MAMDC4: variants seen among roughly 807,000 people sequenced by gnomAD.
MAMDC4 encodes the protein MAM domain containing 4.
MAMDC4 carries 168 observed loss-of-function variants against 153.3 expected under a neutral mutation model. That is an observed-to-expected ratio of 1.10 (90% CI 0.97 to 1.25). The LOEUF is 1.25. MAMDC4 is among the 50% of genes most tolerant of loss of function. MAMDC4 has a pLI of 0.00. For synonymous variants in MAMDC4, 744 were observed against 651.5 expected, an observed-to-expected ratio of 1.14 and a Z score of -2.16; for missense variants, 1,701 against 1,542.8, an observed-to-expected ratio of 1.10 and a Z score of -1.72.
At chr9:136,857,892 G>T in intron 19 of MAMDC4, 87 bp from the exon 20 acceptor site, 1 of 1,490,532 alleles carries the variant, frequency 6.7e-7, no homozygotes. Flanking sequence ...AGCCTCTTGC[G>T]CCCGCCAGGC....
chr9:136,855,294 G>A lies in MAMDC4; in HGVS notation c.1238G>A (p.Gly413Asp), dbSNP rs745552515. Residue 413 changes from glycine (G) to aspartate (D), a missense_variant, in exon 11 of 27, where the codon GGT becomes GAT. By Grantham distance (94) the Gly-to-Asp change is moderately conservative. Coordinates refer to ENST00000317446, the MANE Select transcript of MAMDC4 (RefSeq NM_206920.3). ...CAGACAGGCCCGGGGGGCGTCGTGGGTCTGGACGACCTCATCCTGTCTGAC... is the reference window on the plus strand; with the variant it reads ...CAGACAGGCCCGGGGGGCGTCGTGGATCTGGACGACCTCATCCTGTCTGAC... ...AGQTGPGGVV[G>D]LDDLILSDHC... is the part of the protein sequence containing the mutation. 23 of 1,606,250 alleles carry A rather than the reference G, an allele frequency of 1.4e-5. No individual in the cohort carries two copies. The highest frequency in any genetic ancestry group is 2.0e-5 in the Non-Finnish European group (23 of 1,176,482).
chr9:136,859,436 G>A, intron 25 of MAMDC4, 119 bp downstream of exon 25: 1 of 905,178 alleles, frequency 1.1e-6, no homozygotes, highest in Admixed American at 2.8e-5. Context: ...CACCCAGACA[G>A]GACAAGAGAG....
chr9:136,860,150 C>T (rs540547959), intron 26 of MAMDC4, 86 bp downstream of exon 26: 88 of 1,402,732 alleles, frequency 6.3e-5, no homozygotes, highest in Middle Eastern at 5.1e-4. Flanking sequence ...CACAACCCCC[C>T]GGGGAGGAGC....
At chr9:136,856,521 G>A in intron 14 of MAMDC4, 189 bp from the exon 15 acceptor site, 1 of 792,334 alleles carries the variant, frequency 1.3e-6, no homozygotes, top group African/African-American at 1.7e-5. Context: ...AGCTGGGGTG[G>A]ACAACGTGAC....
chr9:136,860,704 G>A lies in MAMDC4; in HGVS notation c.*101G>A. The A allele has an allele frequency of 1.5e-6, 2 of 1,336,748 alleles. No individual in the cohort carries two copies. Among genetic ancestry groups the A allele is most frequent in the Non-Finnish European group, 2.1e-6 (2 of 939,844 alleles). 82.8% of individuals were successfully genotyped at this position (1,336,748 alleles called of 1,614,324 possible). Reference sequence around the variant, plus strand: ...TGCCCCGCCCAGGCTGGGACAGGCTGCAGGTCTCAGGATATGCTGAGGCCT... The same window carrying A: ...TGCCCCGCCCAGGCTGGGACAGGCTACAGGTCTCAGGATATGCTGAGGCCT... On this transcript the variant is annotated 3_prime_UTR_variant, in exon 27 of 27. Coordinates refer to ENST00000317446, the MANE Select transcript of MAMDC4 (RefSeq NM_206920.3).
In MAMDC4 at chr9:136,856,020, C is replaced by T. The variant is rs1312447394; in HGVS notation, c.1591C>T (p.His531Tyr). ...TGAGCACCATGCTCTTCCCCTAGGGCACTTCCTGTCTCTGCAGCGGGCCTG... is the reference window on the plus strand; with the variant it reads ...TGAGCACCATGCTCTTCCCCTAGGGTACTTCCTGTCTCTGCAGCGGGCCTG... ...SQGSSAAAAG[H>Y]FLSLQRAWGQ... is the part of the protein sequence containing the mutation. The change falls in exon 14 of 27, where the codon CAC becomes TAC. Residue 531 changes from histidine (H) to tyrosine (Y), a missense_variant and splice_region_variant. Transcript: ENST00000317446. 6.2e-7 allele frequency: 1 copy of T among 1,609,880 alleles called. No individual in the cohort carries two copies. The highest frequency in any genetic ancestry group is 1.3e-5 in the African/African-American group (1 of 74,886).
At chr9:136,858,314 T>C (rs1211873442) in intron 21 of MAMDC4, 38 bp downstream of exon 21, 2 of 1,600,464 alleles carry the variant, frequency 1.2e-6, no homozygotes, top group South Asian at 1.1e-5. Context: ...TGCTCTGGGG[T>C]GCCTGCCTAG....
intron 1 of MAMDC4, among the ~76,000 whole-genome samples, 145 bp from the exon 2 acceptor site, chr9:136,852,947 TTCTCTGTGGG>T (rs1357608184): frequency 1.3e-5 from 2 of 152,046 alleles, no homozygotes; most frequent in East Asian, 3.9e-4. Flanking sequence ...CGGGTGGGAG[TTCTCTGTGGG>T]TCCCAGCCCC....
Position 136,854,291 on chromosome 9 carries a change from G to GA in MAMDC4, c.753dup (p.Asp252ArgfsTer8). The GA allele has an allele frequency of 6.2e-7, 1 of 1,603,912 alleles. No homozygotes were observed. The highest frequency in any genetic ancestry group is 8.5e-7 in the Non-Finnish European group (1 of 1,175,860). Reference sequence around the variant, plus strand: ...GGAGCCCCAGCAGCTGTGCGACGGGGAAGACAACTGCGGGGACCTGTCTGA... The same window carrying GA: ...GGAGCCCCAGCAGCTGTGCGACGGGGAAAGACAACTGCGGGGACCTGTCTGA... On this transcript the variant is annotated frameshift_variant, in exon 7 of 27. Coordinates refer to ENST00000317446, the MANE Select transcript of MAMDC4 (RefSeq NM_206920.3). LOFTEE classifies it high-confidence loss of function.
rs768831950 is a variant in MAMDC4, at chr9:136,856,764, C to T, written c.1775C>T (p.Ser592Leu). 2.5e-6 allele frequency: 4 copies of T among 1,612,194 alleles called. No homozygotes were observed. The African/African-American group carries it at 5.3e-5, about 22-fold the overall frequency. The change falls in exon 15 of 27, where the codon TCA becomes TTA. Residue 592 changes from serine to leucine, a missense_variant. Ser to Leu is a moderately radical substitution (Grantham distance 145). Coordinates refer to ENST00000317446, the MANE Select transcript of MAMDC4 (RefSeq NM_206920.3). ...DTCSWYPGHLSDTHWRWVESR... is the reference protein window; with the variant it reads ...DTCSWYPGHLLDTHWRWVESR... The stretch of plus-strand genomic sequence containing the variant: ...TGCAGCTGGTACCCAGGCCACCTCT[C>T]AGACACACACTGGCGCTGGGTGGAG...
Position 136,853,584 on chromosome 9 carries a change from C to T in MAMDC4, c.368C>T (p.Ala123Val), listed in dbSNP as rs1848959320. The change falls in exon 4 of 27, where the codon GCA (alanine) becomes GTA (valine). Residue 123 changes from alanine (A) to valine (V), a missense_variant. Coordinates refer to ENST00000317446, the MANE Select transcript of MAMDC4 (RefSeq NM_206920.3). ...GTTGGAACCCACCGAGGGAAAGAGG[C>T]ATCCACCGCAGCCCTGCGCTCGCCA... ...MAVGTHRGKE[A>V]STAALRSPTL... The T allele has an allele frequency of 6.2e-7, 1 of 1,612,502 alleles. No homozygotes were observed. The highest frequency in any genetic ancestry group is 8.5e-7 in the Non-Finnish European group (1 of 1,179,944).
chr9:136,858,596 T>C (rs1192716024), intron 22 of MAMDC4, 50 bp downstream of exon 22: 1 of 1,571,678 alleles, frequency 6.4e-7, no homozygotes, highest in Non-Finnish European at 8.6e-7. Flanking sequence ...CCACCTGGCC[T>C]CCTGCTGCCC....
At position 136,858,427 on chromosome 9, in the gene MAMDC4, G is replaced by A; in HGVS notation, c.2702G>A (p.Cys901Tyr). The change falls in exon 22 of 27, where the codon TGT becomes TAT. Residue 901 changes from cysteine to tyrosine, a missense_variant. Coordinates refer to ENST00000317446, the MANE Select transcript of MAMDC4 (RefSeq NM_206920.3). ...TCCTGTGATTTTGAGTCTGGCCTGT[G>A]TGGCTGGAGCCACCTGGCCTGGCCC... The part of the protein sequence containing the change: ...PGSCDFESGL[C>Y]GWSHLAWPGL... 6.2e-7 allele frequency: 1 copy of A among 1,605,032 alleles called. No homozygotes were observed. The highest frequency in any genetic ancestry group is 8.5e-7 in the Non-Finnish European group (1 of 1,179,840).
intron 10 of MAMDC4, 21 bp downstream of exon 10, chr9:136,855,131 G>T (rs1848985323): frequency 1.3e-6 from 2 of 1,565,624 alleles, no homozygotes; most frequent in African/African-American, 1.4e-5. Flanking sequence ...GCAAGAGGGT[G>T]GGGTCTGGGG....
intron 14 of MAMDC4, 186 bp downstream of exon 14, chr9:136,856,335 G>A: frequency 9.6e-7 from 1 of 1,047,036 alleles, no homozygotes; most frequent in Non-Finnish European, 1.5e-6. Flanking sequence ...GCAGGCATCT[G>A]GAAGGTGGAC....
chr9:136,854,697 G>C, intron 8 of MAMDC4, 21 bp downstream of exon 8: 1 of 1,611,388 alleles, frequency 6.2e-7, no homozygotes. Context: ...CAGAGGACCC[G>C]GCCCAGGCCC....
chr9:136,853,893 CG>C lies in MAMDC4; in HGVS notation c.575del (p.Gly192ValfsTer5). On this transcript the variant is annotated frameshift_variant, in exon 5 of 27. Transcript: ENST00000317446. LOFTEE classifies it high-confidence loss of function. ...GTTGGCAGTGACCACAGGCCGCATC[CG>C]GGGTGACTTCCGAGTGAGCTGGGAG... ...QELAVTTGRIRGDFRVTFSAT... is the reference protein window; with the variant it reads ...QELAVTTGRIXGDFRVTFSAT... 1 of 1,612,560 alleles carries C rather than the reference CG, an allele frequency of 6.2e-7. No individual in the cohort carries two copies. Among genetic ancestry groups the C allele is most frequent in the East Asian group, 2.2e-5 (1 of 44,874 alleles).
In MAMDC4 at chr9:136,858,447, T is replaced by G. The variant is rs2275156; in HGVS notation, c.2722T>G (p.Trp908Gly). 1,198,390 of 1,606,484 alleles carry G rather than the reference T, an allele frequency of 0.75. 449,149 individuals are homozygous for G. The highest frequency in any genetic ancestry group is 0.88 in the East Asian group (39,657 of 44,834). ...SGLCGWSHLA[W>G]PGLGGYSWDW... is the part of the protein sequence containing the mutation. ...CCTGTGTGGCTGGAGCCACCTGGCC[T>G]GGCCCGGCCTGGGCGGATACAGCTG... Residue 908 changes from tryptophan to glycine, a missense_variant, in exon 22 of 27, where the codon TGG becomes GGG. Physicochemically the swap from Trp to Gly is radical, Grantham distance 184. Coordinates refer to ENST00000317446, the MANE Select transcript of MAMDC4 (RefSeq NM_206920.3).
intron 25 of MAMDC4, 42 bp from the exon 26 acceptor site, chr9:136,859,843 TG>T (rs781217302): frequency 1.5e-5 from 24 of 1,602,586 alleles, no homozygotes; most frequent in Non-Finnish European, 2.0e-5. Flanking sequence ...GCCCCAGATG[TG>T]GGGGCTGCTT....
Sources: gnomAD v4.1 joint callset for allele counts (sites outside exome capture counted in the v4.1 genomes callset) on GRCh38, gnomAD v4.1.1 for gene constraint, MANE v1.5 for transcripts, NCBI Gene and HGNC (gene_info 2026-07-23, HGNC 2026-07-21) for gene names.